The following FUT8 variants were observed in gnomAD, a reference collection of about 807,000 sequenced individuals.
FUT8 encodes fucosyltransferase 8.
In FUT8, 29 loss-of-function variants were observed where a neutral mutation model predicts 71.3. That is an observed-to-expected ratio of 0.41 (90% CI 0.30 to 0.55). The LOEUF (loss-of-function observed/expected upper bound fraction) is 0.55, where lower values mean the gene tolerates loss of function less well. FUT8 is among the 20% of genes least tolerant of loss of function. The pLI is 0.34. For missense variants in FUT8, 544 were observed against 702.1 expected (o/e 0.77, Z 2.55); for synonymous variants, 254 against 239.3 (o/e 1.06, Z -0.57).
chr14:65,529,744 A>T (rs774765716), intron 2 of FUT8, among the ~76,000 whole-genome samples: 24 of 152,184 alleles, frequency 1.6e-4, no homozygotes, highest in Non-Finnish European at 2.6e-4. Context: ...AGTGGCAGCA[A>T]ATCTTTAACT....
chr14:65,518,621 T>A (rs148329847), intron 2 of FUT8, among the ~76,000 whole-genome samples: 1 of 152,120 alleles, frequency 6.6e-6, no homozygotes, highest in Non-Finnish European at 1.5e-5. Context: ...TCCTCCTGGG[T>A]TCAAGTGAAT....
chr14:65,713,860 C>T (rs954046134), intron 7 of FUT8, among the ~76,000 whole-genome samples: 1 of 152,128 alleles, frequency 6.6e-6, no homozygotes, highest in Non-Finnish European at 1.5e-5. Flanking sequence ...GTTTTCTTTG[C>T]TGTGCAGACT....
intron 2 of FUT8, among the ~76,000 whole-genome samples, chr14:65,524,477 A>G (rs1328434050): frequency 2.6e-5 from 4 of 152,186 alleles, no homozygotes; most frequent in Admixed American, 6.5e-5. Flanking sequence ...TTTTGGGCTG[A>G]GACAATGGGG....
the FUT8 span, among the ~76,000 whole-genome samples, chr14:65,378,605 G>A: frequency 7.1e-4 from 108 of 152,018 alleles, no homozygotes; most frequent in African/African-American, 2.6e-3. Context: ...ATTTATTTTG[G>A]AAACAGACAG....
chr14:65,602,374 C>G (rs985729186), intron 3 of FUT8, among the ~76,000 whole-genome samples: 4 of 138,038 alleles, frequency 2.9e-5, no homozygotes, highest in African/African-American at 1.2e-4. Context: ...CACACACACA[C>G]ACACACACAC....
rs1388133768 is a variant in FUT8, at chr14:65,412,985, C to G, written c.-555C>G. 2.6e-5 allele frequency: 4 copies of G among 153,000 alleles called. No homozygotes were observed. The highest frequency in any genetic ancestry group is 7.2e-5 in the African/African-American group (3 of 41,480). 9.5% of individuals were successfully genotyped at this position (153,000 alleles called of 1,614,324 possible). ...GCTCTCGGTCTCGCGCTGTCAGCGA[C>G]TGCCCGGCTCGCGCCGCCTCGCGCT... On this transcript the variant is annotated 5_prime_UTR_variant, in exon 1 of 11. Coordinates refer to ENST00000673929, the MANE Select transcript of FUT8 (RefSeq NM_001371533.1).
chr14:65,557,324 T>A (rs1320089900), intron 2 of FUT8, among the ~76,000 whole-genome samples: 2 of 150,648 alleles, frequency 1.3e-5, no homozygotes, highest in Non-Finnish European at 3.0e-5. Context: ...CGAGATTTTG[T>A]CTCTCTCTCC....
rs1204699098 is a variant in FUT8, at chr14:65,621,438, C to T, written c.482+5065C>T. 2.6e-5 allele frequency among the ~76,000 whole-genome samples: 4 copies of T among 151,864 alleles called. No homozygotes were observed. In the East Asian group the frequency reaches 7.7e-4, roughly 29 times the overall value. Reference sequence around the variant, plus strand: ...CTGATTTTTGTATTTTTAGTAGAGACAGGGTTTCACCATGTTGGCCAGAAT... The same window carrying T: ...CTGATTTTTGTATTTTTAGTAGAGATAGGGTTTCACCATGTTGGCCAGAAT... On this transcript the variant is annotated intron_variant, in intron 5 of 10. Transcript: ENST00000673929.
chr14:65,674,154 G>T (rs1415809116), intron 7 of FUT8, among the ~76,000 whole-genome samples: 2 of 152,236 alleles, frequency 1.3e-5, no homozygotes, highest in South Asian at 2.1e-4. Context: ...CATATGTTAA[G>T]TCTTTTTACA....
chr14:65,650,070 G>A (rs929632493), intron 6 of FUT8, among the ~76,000 whole-genome samples: 8 of 152,060 alleles, frequency 5.3e-5, no homozygotes, highest in African/African-American at 1.9e-4. Context: ...GCCAAGGCGG[G>A]CGGATCACGA....
intron 2 of FUT8, among the ~76,000 whole-genome samples, chr14:65,522,620 CGTGCAG>C (rs1883160443): frequency 6.6e-6 from 1 of 152,064 alleles, no homozygotes; most frequent in African/African-American, 2.4e-5. Flanking sequence ...ATGTGCGCGA[CGTGCAG>C]GTTTGTTACA....
At chr14:65,599,236 G>A (rs1470806722) in intron 3 of FUT8, among the ~76,000 whole-genome samples, 1 of 152,082 alleles carries the variant, frequency 6.6e-6, no homozygotes, top group Non-Finnish European at 1.5e-5. Context: ...TATGGTATCA[G>A]TATCAGGCAT....
chr14:65,589,666 G>T (rs1233905676), intron 3 of FUT8, among the ~76,000 whole-genome samples: 1 of 151,872 alleles, frequency 6.6e-6, no homozygotes, highest in African/African-American at 2.4e-5. Flanking sequence ...GGATGGTCTC[G>T]ATCTCCTGAC....
chr14:65,393,683 A>C, the FUT8 span, among the ~76,000 whole-genome samples: 1 of 152,178 alleles, frequency 6.6e-6, no homozygotes, highest in African/African-American at 2.4e-5. Flanking sequence ...TGGGATTATA[A>C]AGGGGAAATA....
At chr14:65,691,258 C>T (rs1231949153) in intron 7 of FUT8, among the ~76,000 whole-genome samples, 1 of 151,124 alleles carries the variant, frequency 6.6e-6, no homozygotes, top group Non-Finnish European at 1.5e-5. Context: ...ATTCCATTGA[C>T]TTCTGCTACT....
At chr14:65,363,346 T>TC in the FUT8 span, among the ~76,000 whole-genome samples, 139,845 of 151,676 alleles carry the variant, frequency 0.92, 64,734 homozygotes, top group East Asian at 1. Flanking sequence ...GGTCTCGAAC[T>TC]CTGACCTCAG....
the FUT8 span, among the ~76,000 whole-genome samples, chr14:65,388,189 G>A: frequency 6.6e-6 from 1 of 152,320 alleles, no homozygotes; most frequent in South Asian, 2.1e-4. Flanking sequence ...ATTTAGGAGG[G>A]AAGATTTGTG....
chr14:65,393,602 C>G, the FUT8 span, among the ~76,000 whole-genome samples: 1 of 152,060 alleles, frequency 6.6e-6, no homozygotes, highest in African/African-American at 2.4e-5. Flanking sequence ...AGCCACGGAG[C>G]CTTTCTCAGG....
At chr14:65,518,847 G>A (rs1005088164) in intron 2 of FUT8, among the ~76,000 whole-genome samples, 2 of 152,178 alleles carry the variant, frequency 1.3e-5, no homozygotes, top group Non-Finnish European at 2.9e-5. Flanking sequence ...AAAACGTTTA[G>A]TAGAGTTGGT....
Sources: gnomAD v4.1 joint callset for allele counts (sites outside exome capture counted in the v4.1 genomes callset) on GRCh38, gnomAD v4.1.1 for gene constraint, MANE v1.5 for transcripts, NCBI Gene and HGNC (gene_info 2026-07-23, HGNC 2026-07-21) for gene names.